NCOR2: variants seen among roughly 807,000 people sequenced by gnomAD.
NCOR2 encodes the protein CTG repeat protein 26.
NCOR2 carries 81 observed loss-of-function variants against 262.9 expected under a neutral mutation model. The ratio of observed to expected loss-of-function variants is 0.31; its 90% CI spans 0.26 to 0.37. The LOEUF is 0.37. Among genes scored for constraint, NCOR2 ranks in the 10% least tolerant of loss-of-function variants. NCOR2 has a pLI of 1.00. For missense variants in NCOR2, 3,385 were observed against 3,621.4 expected, an observed-to-expected ratio of 0.93 and a Z score of 1.68; for synonymous variants, 1,659 against 1,559.3, an observed-to-expected ratio of 1.06 and a Z score of -1.51.
intron 3 of NCOR2, among the ~76,000 whole-genome samples, chr12:124,476,902 TAAAAAAA>T (rs60593594): frequency 6.8e-4 from 97 of 142,286 alleles, no homozygotes; most frequent in Middle Eastern, 3.6e-3. Flanking sequence ...CCATCTTTAT[TAAAAAAA>T]AAAAAAAAAA....
At chr12:124,325,388 C>CCCCCCCCCCCCG in exon 47 of NCOR2, 2 of 693,386 alleles carry the variant, frequency 2.9e-6, no homozygotes, top group Non-Finnish European at 4.0e-6. Context: ...CCCCCCCCCC[C>CCCCCCCCCCCCG]GCCCTGTTCT....
chr12:124,372,451 G>T, exon 20 of NCOR2: 1 of 1,544,462 alleles, frequency 6.5e-7, no homozygotes, highest in South Asian at 1.2e-5. Context: ...GGGCTCAGTG[G>T]GGGCCGGGAT....
rs1794978 is a variant in NCOR2 at position 124,443,900 on chromosome 12, C to T, written c.816-5904G>A. Among the ~76,000 whole-genome samples, 20,660 of 152,120 alleles carry T rather than the reference C, an allele frequency of 0.14. 1,436 individuals are homozygous for T. The highest frequency in any genetic ancestry group is 0.22 in the East Asian group (1,109 of 5,142). ...GCTTCTCTTGAAAACATCAGGCCAT[C>T]GGGCCACACCCCTTCATGGCCACAG... On this transcript the variant is annotated intron_variant, in intron 7 of 46. Coordinates refer to ENST00000405201, the Ensembl canonical transcript of NCOR2. This position sits in a 1 kb window ranked among gnomAD's most constrained non-coding sequence, Gnocchi z 4.4.
intron 16 of NCOR2, among the ~76,000 whole-genome samples, chr12:124,397,603 C>T (rs1464777383): frequency 1.3e-5 from 2 of 152,254 alleles, no homozygotes; most frequent in Admixed American, 6.5e-5. Flanking sequence ...ACCCGTCACC[C>T]AGATTGGGGT....
Position 124,457,765 on chromosome 12 carries a change from G to A in NCOR2, c.706-603C>T, listed in dbSNP as rs925861746. 7.9e-5 allele frequency among the ~76,000 whole-genome samples: 12 copies of A among 152,190 alleles called. No homozygotes were observed. The highest frequency in any genetic ancestry group is 2.7e-4 in the African/African-American group (11 of 41,440). ...AACAGGAACATGTGGCGCAGGGCTC[G>A]GTGGCCGCTCCATCAATAGGCTGGA... On this transcript the variant is annotated intron_variant, in intron 5 of 46. Transcript: ENST00000405201. The surrounding 1 kb of genome is among the most constrained non-coding windows in gnomAD (Gnocchi z 4.0).
chr12:124,376,524 T>C (rs963126316), intron 18 of NCOR2, among the ~76,000 whole-genome samples: 6 of 152,092 alleles, frequency 3.9e-5, no homozygotes, highest in Non-Finnish European at 8.8e-5. Context: ...GGCCCAGGCC[T>C]TCCTTCCATC....
intron 1 of NCOR2, among the ~76,000 whole-genome samples, chr12:124,506,553 G>A (rs1016160996): frequency 6.7e-6 from 1 of 149,486 alleles, no homozygotes. Context: ...AACCCTCCCT[G>A]CACTCCAGGT....
intron 18 of NCOR2, 122 bp from the exon 21 acceptor site, chr12:124,374,585 G>A: frequency 5.4e-6 from 5 of 924,934 alleles, no homozygotes; most frequent in South Asian, 2.9e-5. Flanking sequence ...CCTCGCTGCT[G>A]CTCGCTCTCC....
chr12:124,479,100 A>G (rs936125046), intron 3 of NCOR2, among the ~76,000 whole-genome samples: 1 of 152,120 alleles, frequency 6.6e-6, no homozygotes, highest in Non-Finnish European at 1.5e-5. Flanking sequence ...GCGGGCAGGC[A>G]GCAACTCACC....
At chr12:124,564,571 G>A (rs2052173319) in intron 1 of NCOR2, among the ~76,000 whole-genome samples, 1 of 141,942 alleles carries the variant, frequency 7.0e-6, no homozygotes, top group African/African-American at 2.7e-5. Context: ...GCATTTGTGG[G>A]GCTTTTCAGT....
At chr12:124,501,937 C>A (rs995759010) in intron 1 of NCOR2, among the ~76,000 whole-genome samples, 3 of 152,232 alleles carry the variant, frequency 2.0e-5, no homozygotes, top group East Asian at 3.9e-4. Context: ...CCGGGGGGAA[C>A]TCTGGGACAG....
chr12:124,352,831 C>T (rs1324281215), intron 27 of NCOR2, among the ~76,000 whole-genome samples: 1 of 152,218 alleles, frequency 6.6e-6, no homozygotes, highest in Admixed American at 6.5e-5. Flanking sequence ...GGAGATGAGC[C>T]TGTAGCCTCT....
intron 1 of NCOR2, among the ~76,000 whole-genome samples, chr12:124,515,566 A>T (rs549426815): frequency 1.2e-4 from 18 of 151,824 alleles, no homozygotes; most frequent in East Asian, 7.8e-4. Context: ...CACTTGTGTG[A>T]GTGTGTGTGT....
At chr12:124,431,253 C>T (rs1309003902) in intron 8 of NCOR2, among the ~76,000 whole-genome samples, 2 of 151,746 alleles carry the variant, frequency 1.3e-5, no homozygotes, top group Non-Finnish European at 2.9e-5. Context: ...TACATACAGG[C>T]ACACACAAGT....
In NCOR2 at chr12:124,327,351, G is replaced by T. The variant is rs1486490792; in HGVS notation, c.7183+58C>A. 25 of 1,353,840 alleles carry T rather than the reference G, an allele frequency of 1.8e-5. No homozygotes were observed. In the East Asian group the frequency reaches 5.4e-4, roughly 29 times the overall value. The allele number at this position is 1,353,840 out of a possible 1,614,324, so 83.9% of individuals were successfully genotyped here. ...TTGTCAGAGGAGCGCGGAGGAGCGA[G>T]GATTAATCACACCGGGGGTGGGGAC... On this transcript the variant is annotated intron_variant, in intron 45 of 46. Transcript: ENST00000405201.
At chr12:124,346,849 C>A in exon 31 of NCOR2, 2 of 1,566,120 alleles carry the variant, frequency 1.3e-6, no homozygotes, top group Non-Finnish European at 1.7e-6. Flanking sequence ...ACCGAGGGAT[C>A]CCTGCCGGGC....
intron 1 of NCOR2, among the ~76,000 whole-genome samples, chr12:124,563,355 T>C (rs748176024): frequency 1.3e-5 from 2 of 152,242 alleles, no homozygotes; most frequent in Non-Finnish European, 2.9e-5. Context: ...TGTGGAAGTG[T>C]CCAGGCTCAG....
chr12:124,546,449 T>C (rs541309294), intron 1 of NCOR2, among the ~76,000 whole-genome samples: 5 of 152,348 alleles, frequency 3.3e-5, no homozygotes, highest in South Asian at 2.1e-4. Context: ...CACTCTGTTA[T>C]ACAGGCTGGA....
rs546384286 is a variant in NCOR2 at position 124,432,774 on chromosome 12, A to G, written c.883-1987T>C. Among the ~76,000 whole-genome samples, 14 of 149,354 alleles carry G rather than the reference A, an allele frequency of 9.4e-5. No homozygotes were observed. In the South Asian group the frequency reaches 3.0e-3, roughly 32 times the overall value. On this transcript the variant is annotated intron_variant, in intron 8 of 46. Transcript: ENST00000405201. This position sits in a 1 kb window ranked among gnomAD's most constrained non-coding sequence, Gnocchi z 5.1. ...ATCTAACCACAGTGCTGCCTGCTGC[A>G]TGTCCTTTGAGAAGAGATCCCCAAT...
Sources: allele counts gnomAD v4.1 joint callset (sites outside exome capture counted in the v4.1 genomes callset), GRCh38; gene constraint gnomAD v4.1.1; non-coding constraint Gnocchi (gnomAD v3.1); transcripts MANE v1.5; gene names NCBI Gene and HGNC (gene_info 2026-07-23, HGNC 2026-07-21).